The following ENO4 variants were observed in gnomAD, a reference collection of about 807,000 sequenced individuals.
The protein encoded by ENO4 is 2-phospho-D-glycerate hydro-lyase.
In ENO4, 53 loss-of-function variants were observed where a neutral mutation model predicts 63.2. The ratio of observed to expected loss-of-function variants is 0.84; its 90% CI spans 0.67 to 1.05. ENO4 has a LOEUF of 1.05. ENO4 is among the 50% of genes least tolerant of loss of function. The pLI, the probability that ENO4 is intolerant of heterozygous loss-of-function variation, is 0.00. For missense variants in ENO4, 719 were observed against 772.0 expected (o/e 0.93, Z 0.81); for synonymous variants, 266 against 283.8 (o/e 0.94, Z 0.63).
At position 116,901,968 on chromosome 10, in the gene ENO4, A is replaced by G. The variant is rs1165706050; in HGVS notation, c.1195-9531A>G. On this transcript the variant is annotated intron_variant, in intron 10 of 10. Coordinates refer to the ENO4 transcript ENST00000369207. ...ATATCCCAGTTGGACCTTAAAACCAAACACATACCTCAAGTTTAATAATTC... is the reference window on the plus strand; with the variant it reads ...ATATCCCAGTTGGACCTTAAAACCAGACACATACCTCAAGTTTAATAATTC... The G allele has an allele frequency of 1.9e-6, 3 of 1,576,110 alleles. No homozygotes were observed. The African/African-American group carries it at 4.1e-5, about 22-fold the overall frequency.
chr10:116,902,061 C>A, intron 10 of ENO4: 2 of 1,021,880 alleles, frequency 2.0e-6, no homozygotes, highest in Non-Finnish European at 1.4e-6. Context: ...AGTGAAAAGG[C>A]CAAGTTTGTT....
intron 10 of ENO4, among the ~76,000 whole-genome samples, chr10:116,905,229 A>AG (rs1847923334): frequency 1.3e-5 from 2 of 151,372 alleles, no homozygotes; most frequent in Non-Finnish European, 2.9e-5. Context: ...AAAAAAAAAA[A>AG]TAGCAGTGTT....
chr10:116,874,738 T>C (rs891254941), intron 10 of ENO4, among the ~76,000 whole-genome samples: 4 of 152,174 alleles, frequency 2.6e-5, no homozygotes, highest in African/African-American at 4.8e-5. Flanking sequence ...AGTGGCACGA[T>C]CTTGGCTCAC....
intron 10 of ENO4, among the ~76,000 whole-genome samples, chr10:116,895,741 A>G (rs898162314): frequency 4.6e-5 from 7 of 152,216 alleles, no homozygotes; most frequent in Non-Finnish European, 1.0e-4. Flanking sequence ...TTCAAAAAGC[A>G]CTGGCATTGG....
At position 116,893,576 on chromosome 10, in the gene ENO4, G is replaced by GCACACACACACACACA. The variant is rs6144113; in HGVS notation, c.1194+13596_1194+13611dup. Among the ~76,000 whole-genome samples the GCACACACACACACACA allele has an allele frequency of 5.3e-3, 651 of 123,578 alleles. 10 individuals are homozygous for GCACACACACACACACA. The highest frequency in any genetic ancestry group is 0.019 in the South Asian group (62 of 3,294). 81.1% of individuals were successfully genotyped at this position (123,578 alleles called of 152,430 possible). On this transcript the variant is annotated intron_variant, in intron 10 of 10. Transcript: ENST00000369207. ...CCCCCTCCCTGATAGGCACTCATGT[G>GCACACACACACACACA]CACACACACACACACACACACGAGA...
intron 10 of ENO4, chr10:116,901,732 A>G: frequency 2.6e-6 from 4 of 1,535,912 alleles, no homozygotes; most frequent in African/African-American, 2.8e-5. Flanking sequence ...AGATTCTTCT[A>G]TACACCACTT....
chr10:116,859,461 A>G (rs1191379709), intron 4 of ENO4, among the ~76,000 whole-genome samples: 7 of 152,226 alleles, frequency 4.6e-5, no homozygotes, highest in African/African-American at 1.4e-4. Context: ...AATTTCCATT[A>G]GCTAATCCAA....
chr10:116,890,451 G>A (rs1480129940), intron 10 of ENO4, among the ~76,000 whole-genome samples: 1 of 152,172 alleles, frequency 6.6e-6, no homozygotes, highest in Non-Finnish European at 1.5e-5. Flanking sequence ...AGCAGACACA[G>A]GACTAAACTA....
chr10:116,886,401 T>G, downstream of ENO4: 2 of 1,581,594 alleles, frequency 1.3e-6, no homozygotes, highest in Non-Finnish European at 1.7e-6. Flanking sequence ...CTTTGTTTTC[T>G]GGTTGAATTT....
At chr10:116,850,601 C>G (rs986381755) in intron 1 of ENO4, among the ~76,000 whole-genome samples, 2 of 151,848 alleles carry the variant, frequency 1.3e-5, no homozygotes, top group Admixed American at 6.6e-5. Flanking sequence ...CAGAAGGAGT[C>G]CTATGAAGAG....
intron 2 of ENO4, 148 bp downstream of exon 2, chr10:116,855,899 C>A: frequency 1.1e-6 from 1 of 932,834 alleles, no homozygotes; most frequent in Non-Finnish European, 1.5e-6. Context: ...TGAATCATAC[C>A]ATCAACCATG....
At position 116,881,967 on chromosome 10, in the gene ENO4, C is replaced by T. The variant is rs1008487356; in HGVS notation, c.*298C>T. The stretch of plus-strand genomic sequence containing the variant: ...GAGGCCAATATTTTTGTTGCCAACT[C>T]CACACTCAGTCAAACACCCCATCCT... On this transcript the variant is annotated 3_prime_UTR_variant, in exon 14 of 14. Transcript: ENST00000341276. 1 of 251,600 alleles carries T rather than the reference C, an allele frequency of 4.0e-6. No homozygotes were observed. Among genetic ancestry groups the T allele is most frequent in the Middle Eastern group, 1.2e-3 (1 of 842 alleles). 15.6% of individuals were successfully genotyped at this position (251,600 alleles called of 1,614,324 possible).
chr10:116,874,664 G>GT (rs1846780949), intron 10 of ENO4, among the ~76,000 whole-genome samples: 1 of 151,980 alleles, frequency 6.6e-6, no homozygotes, highest in African/African-American at 2.4e-5. Flanking sequence ...ATGCATAAAC[G>GT]TAACAAAGCC....
chr10:116,855,712 G>A lies in ENO4; in HGVS notation c.255G>A (p.Leu85=). 6.5e-7 allele frequency: 1 copy of A among 1,536,534 alleles called. No individual in the cohort carries two copies. Among genetic ancestry groups the A allele is most frequent in the Non-Finnish European group, 8.7e-7 (1 of 1,147,008 alleles). The part of the protein sequence containing the change: ...DVLDGLGLPT[L]QVDIFCTIQN... Reference sequence around the variant, plus strand: ...TAGATGGACTGGGGCTTCCAACCCTGCAAGTGGACATATTCTGCACCATTC... The same window carrying A: ...TAGATGGACTGGGGCTTCCAACCCTACAAGTGGACATATTCTGCACCATTC... The change falls in exon 2 of 14, where the codon CTG becomes CTA. Residue 85 remains leucine (L), a synonymous_variant. Transcript: ENST00000341276.
intron 10 of ENO4, among the ~76,000 whole-genome samples, chr10:116,898,779 C>A (rs1847614108): frequency 6.6e-6 from 1 of 152,042 alleles, no homozygotes. Flanking sequence ...AACACCCTTG[C>A]TTTGCATATG....
At chr10:116,904,924 G>A (rs1249882128) in intron 10 of ENO4, among the ~76,000 whole-genome samples, 7 of 152,082 alleles carry the variant, frequency 4.6e-5, no homozygotes, top group East Asian at 3.9e-4. Flanking sequence ...AGTGTTGGCC[G>A]GGCGCGGTGG....
intron 1 of ENO4, among the ~76,000 whole-genome samples, chr10:116,850,577 A>G (rs965572018): frequency 6.6e-6 from 1 of 152,016 alleles, no homozygotes; most frequent in Non-Finnish European, 1.5e-5. Context: ...CAAGGAGGCA[A>G]TGTGAACACC....
intron 10 of ENO4, among the ~76,000 whole-genome samples, chr10:116,897,614 T>C (rs1847568851): frequency 6.6e-6 from 1 of 152,200 alleles, no homozygotes; most frequent in African/African-American, 2.4e-5. Flanking sequence ...AATTGTAAGA[T>C]AAGATAGGAA....
In ENO4 at chr10:116,911,479, G is replaced by A. The variant is rs541027229; in HGVS notation, c.1195-20G>A. On this transcript the variant is annotated intron_variant, in intron 10 of 10. Transcript: ENST00000369207. ...ATTTCTGTTTTTCATCAACATGTAC[G>A]GACCCTTACATATGGCCAGCCACTT... 1,657 of 1,550,202 alleles carry A rather than the reference G, an allele frequency of 1.1e-3. 31 individuals are homozygous for A. The South Asian group carries it at 0.018, about 17-fold the overall frequency.
Sources: allele counts gnomAD v4.1 joint callset (sites outside exome capture counted in the v4.1 genomes callset), GRCh38; gene constraint gnomAD v4.1.1; transcripts MANE v1.5; gene names NCBI Gene and HGNC (gene_info 2026-07-23, HGNC 2026-07-21).